The following CHFR variants were observed in gnomAD, a reference collection of about 807,000 sequenced individuals.
The protein encoded by CHFR is E3 ubiquitin-protein ligase CHFR.
CHFR carries 57 observed loss-of-function variants against 87.6 expected under a neutral mutation model. The ratio of observed to expected loss-of-function variants is 0.65; its 90% CI spans 0.53 to 0.81. CHFR has a LOEUF of 0.81. Ranked by LOEUF, CHFR falls within the 30% of genes least tolerant of loss-of-function variation. The probability of loss-of-function intolerance (pLI) is 0.00; values close to 1 mark genes in which losing one functional copy is unlikely to be tolerated. For synonymous variants in CHFR, 381 were observed against 359.2 expected (o/e 1.06, Z -0.69); for missense variants, 797 against 865.8 (o/e 0.92, Z 1.00).
intron 11 of CHFR, among the ~76,000 whole-genome samples, chr12:132,852,735 C>G (rs1379487147): frequency 6.6e-6 from 1 of 152,242 alleles, no homozygotes; most frequent in African/African-American, 2.4e-5. Context: ...TTTGTCCGTT[C>G]CGTCCACGGG....
At chr12:132,865,521 T>C (rs1951313918) in intron 6 of CHFR, among the ~76,000 whole-genome samples, 1 of 151,866 alleles carries the variant, frequency 6.6e-6, no homozygotes, top group South Asian at 2.1e-4. Flanking sequence ...TACAGGCGCC[T>C]GCCACCATGC....
rs1323444035 is a variant in CHFR, at chr12:132,844,012, T to C, written c.1843+15A>G. The C allele has an allele frequency of 6.4e-7, 1 of 1,554,422 alleles. No individual in the cohort carries two copies. The highest frequency in any genetic ancestry group is 1.7e-5 in the Admixed American group (1 of 59,778). On this transcript the variant is annotated intron_variant, in intron 16 of 17. Transcript: ENST00000450056. ...AGACAGAACTAGAGCCATGAGGAAG[T>C]CGGGGGCTCCTTACCTGGCAACTCG...
At chr12:132,856,996 G>GGT (rs1951088491) in intron 9 of CHFR, among the ~76,000 whole-genome samples, 1 of 140,902 alleles carries the variant, frequency 7.1e-6, no homozygotes, top group Non-Finnish European at 1.6e-5. Flanking sequence ...CCCGGGTGCT[G>GGT]GTGTGGATGC....
intron 8 of CHFR, among the ~76,000 whole-genome samples, chr12:132,858,802 G>A (rs1951144563): frequency 6.9e-6 from 1 of 145,330 alleles, no homozygotes. Flanking sequence ...AAGTCAGCCA[G>A]GCATAGTGGT....
At position 132,851,707 on chromosome 12, in the gene CHFR, C is replaced by T. The variant is rs1304421220; in HGVS notation, c.1403G>A (p.Gly468Glu). Residue 468 changes from glycine to glutamate, a missense_variant, in exon 12 of 18, where the codon GGA becomes GAA. Coordinates refer to ENST00000450056, the MANE Select transcript of CHFR (RefSeq NM_001161346.2). The part of the protein sequence containing the change: ...AVQDYVCPLQ[G>E]SHALCTCCFQ... Reference sequence around the variant, plus strand: ...GCAGCAGGTGCACAGGGCGTGGCTTCCTTGCAGAGGGCACACGTAATCCTG... The same window carrying T: ...GCAGCAGGTGCACAGGGCGTGGCTTTCTTGCAGAGGGCACACGTAATCCTG... 1 of 1,613,318 alleles carries T rather than the reference C, an allele frequency of 6.2e-7. No individual in the cohort carries two copies. Among genetic ancestry groups the T allele is most frequent in the Non-Finnish European group, 8.5e-7 (1 of 1,179,914 alleles).
intron 3 of CHFR, among the ~76,000 whole-genome samples, chr12:132,876,668 T>C (rs1173800011): frequency 6.6e-6 from 1 of 152,210 alleles, no homozygotes; most frequent in African/African-American, 2.4e-5. Flanking sequence ...CATACTTAAT[T>C]TGAATACATT....
intron 3 of CHFR, among the ~76,000 whole-genome samples, chr12:132,876,003 C>T (rs1444729510): frequency 3.9e-5 from 6 of 151,974 alleles, no homozygotes; most frequent in African/African-American, 9.7e-5. Context: ...GGTGAAATCC[C>T]GTCTCTACTA....
At chr12:132,855,853 G>GT (rs35290169) in intron 10 of CHFR, among the ~76,000 whole-genome samples, 41 of 150,988 alleles carry the variant, frequency 2.7e-4, no homozygotes, top group African/African-American at 2.2e-4. Flanking sequence ...AGTTTCAAGT[G>GT]TTTTTTTTTG....
chr12:132,845,433 G>GCAA (rs1950796293), intron 15 of CHFR, among the ~76,000 whole-genome samples: 1 of 151,570 alleles, frequency 6.6e-6, no homozygotes. Context: ...ACTCCAGCCT[G>GCAA]GGTGACACAG....
intron 17 of CHFR, among the ~76,000 whole-genome samples, chr12:132,842,051 A>G (rs1020590179): frequency 1.4e-5 from 2 of 140,208 alleles, no homozygotes; most frequent in African/African-American, 5.2e-5. Context: ...CAGGGTTGCA[A>G]TCAGCTGAGA....
chr12:132,848,754 C>G (rs746949286), intron 12 of CHFR, 30 bp from the exon 13 acceptor site: 2 of 1,517,218 alleles, frequency 1.3e-6, no homozygotes, highest in Admixed American at 1.9e-5. Flanking sequence ...GTTACACGCA[C>G]TCAGCGCTGA....
chr12:132,876,187 A>G (rs1401304289), intron 3 of CHFR, among the ~76,000 whole-genome samples: 1 of 151,174 alleles, frequency 6.6e-6, no homozygotes, highest in Non-Finnish European at 1.5e-5. Flanking sequence ...AAAAAAAAAG[A>G]AAGAAAGAAA....
chr12:132,834,930 G>A lies in CHFR; in HGVS notation c.*6624C>T, dbSNP rs1950635815. ...GACGGGGTTTCACCATGTTAGCCAG[G>A]ATGGTCTCGATCTCCTGACCTCGTG... On this transcript the variant is annotated 3_prime_UTR_variant, in exon 18 of 18. Coordinates refer to ENST00000450056, the MANE Select transcript of CHFR (RefSeq NM_001161346.2). 1 of 151,036 alleles carries A rather than the reference G, an allele frequency of 6.6e-6. No individual in the cohort carries two copies. The highest frequency in any genetic ancestry group is 2.4e-5 in the African/African-American group (1 of 41,018). The allele number at this position is 151,036 out of a possible 1,614,324, so 9.4% of individuals were successfully genotyped here. A position where few individuals can be genotyped will look rare whatever the true frequency, so the allele number is the denominator to read the frequency against.
chr12:132,863,400 G>A (rs1225865792), intron 6 of CHFR, among the ~76,000 whole-genome samples: 1 of 151,928 alleles, frequency 6.6e-6, no homozygotes, highest in South Asian at 2.1e-4. Context: ...CAGCTACTTG[G>A]GAGGCTGAGG....
chr12:132,873,231 G>A (rs766086284), intron 3 of CHFR, among the ~76,000 whole-genome samples: 6 of 152,182 alleles, frequency 3.9e-5, no homozygotes. Flanking sequence ...AGTGGCAAAC[G>A]ATTTCCATAA....
chr12:132,843,759 G>A (rs1807011862), intron 16 of CHFR, among the ~76,000 whole-genome samples: 1 of 152,056 alleles, frequency 6.6e-6, no homozygotes, highest in African/African-American at 2.4e-5. Flanking sequence ...GACCAGCCTG[G>A]CCAACATGGT....
Position 132,841,456 on chromosome 12 carries a change from A to G in CHFR, c.*98T>C, listed in dbSNP as rs925838751. ...TCGGAGACCCTGCGTCCCTTCCCTC[A>G]GGGGGCTGTGAAAACACCTTGACGT... On this transcript the variant is annotated 3_prime_UTR_variant, in exon 18 of 18. Transcript: ENST00000450056. The G allele has an allele frequency of 2.8e-6, 3 of 1,071,752 alleles. No homozygotes were observed. The highest frequency in any genetic ancestry group is 1.7e-5 in the Admixed American group (1 of 58,748). 66.4% of individuals were successfully genotyped at this position (1,071,752 alleles called of 1,614,324 possible). A position where few individuals can be genotyped will look rare whatever the true frequency, so the allele number is the denominator to read the frequency against.
At position 132,841,382 on chromosome 12, in the gene CHFR, T is replaced by G; in HGVS notation, c.*172A>C. The G allele has an allele frequency of 5.0e-6, 3 of 598,554 alleles. No homozygotes were observed. Among genetic ancestry groups the G allele is most frequent in the Non-Finnish European group, 8.9e-6 (3 of 338,216 alleles). 37.1% of individuals were successfully genotyped at this position (598,554 alleles called of 1,614,324 possible). A position where few individuals can be genotyped will look rare whatever the true frequency, so the allele number is the denominator to read the frequency against. On this transcript the variant is annotated 3_prime_UTR_variant, in exon 18 of 18. Coordinates refer to ENST00000450056, the MANE Select transcript of CHFR (RefSeq NM_001161346.2). The stretch of plus-strand genomic sequence containing the variant: ...GCGGCCCCCGGGGCTCTGGGGAGGG[T>G]CTCACTCAGAGGGTAAAGCTCCACA...
At chr12:132,872,995 G>A (rs1167960692) in intron 3 of CHFR, among the ~76,000 whole-genome samples, 3 of 152,180 alleles carry the variant, frequency 2.0e-5, no homozygotes, top group Admixed American at 2.0e-4. Flanking sequence ...CTAAGTTGAT[G>A]GGGCAGGAAG....
Sources: gnomAD v4.1 joint callset for allele counts (sites outside exome capture counted in the v4.1 genomes callset) on GRCh38, gnomAD v4.1.1 for gene constraint, MANE v1.5 for transcripts, NCBI Gene and HGNC (gene_info 2026-07-23, HGNC 2026-07-21) for gene names.